The following DENND2D variants were observed in gnomAD, a reference collection of about 807,000 sequenced individuals.
The protein encoded by DENND2D is DENN domain-containing protein 2D.
A neutral mutation model predicts 59.8 loss-of-function variants in DENND2D; 37 were observed. The observed-to-expected ratio is 0.62, with a 90% CI of 0.48 to 0.81. The LOEUF (loss-of-function observed/expected upper bound fraction) is 0.81. Ranked by LOEUF, DENND2D falls within the 40% of genes least tolerant of loss-of-function variation. The pLI, the probability that DENND2D is intolerant of heterozygous loss-of-function variation, is 0.00. For missense variants in DENND2D, 525 were observed against 579.7 expected (o/e 0.91, Z 0.97); for synonymous variants, 219 against 211.3 (o/e 1.04, Z -0.31).
At position 111,200,635 on chromosome 1, in the gene DENND2D, C is replaced by A; in HGVS notation, c.-176G>T. On this transcript the variant is annotated 5_prime_UTR_variant, in exon 1 of 12. Transcript: ENST00000357640. ...CCATCCTGTGCACCCAGTGGTTGAG[C>A]AAGAAGGATGTGACGGGACCCAGGA... is the stretch of plus-strand genomic sequence containing the variant. 7.1e-7 allele frequency: 1 copy of A among 1,404,112 alleles called. No individual in the cohort carries two copies. Among genetic ancestry groups the A allele is most frequent in the South Asian group, 1.4e-5 (1 of 73,802 alleles). The allele number at this position is 1,404,112 out of a possible 1,614,324, so 87.0% of individuals were successfully genotyped here.
chr1:111,203,760 C>T (rs943257484), upstream of DENND2D, among the ~76,000 whole-genome samples: 4 of 152,158 alleles, frequency 2.6e-5, no homozygotes, highest in Non-Finnish European at 4.4e-5. Context: ...CTCTGAAGGG[C>T]ACCTGGCCGA....
chr1:111,198,859 T>G, intron 2 of DENND2D, 117 bp from the exon 3 acceptor site: 2 of 977,114 alleles, frequency 2.0e-6, no homozygotes, highest in Non-Finnish European at 3.1e-6. Flanking sequence ...GTTAAGCTTC[T>G]CCACTAGCAT....
upstream of DENND2D, among the ~76,000 whole-genome samples, chr1:111,203,797 G>A (rs909259144): frequency 3.9e-5 from 6 of 152,182 alleles, no homozygotes; most frequent in African/African-American, 1.4e-4. Context: ...TAACGTCATC[G>A]GGGAGACCTG....
chr1:111,204,112 C>T (rs1659079800), upstream of DENND2D: 5 of 502,226 alleles, frequency 1.0e-5, no homozygotes, highest in Non-Finnish European at 1.3e-5. Context: ...CCACCTGACC[C>T]TCTTCCCCTC....
At chr1:111,192,351 G>A (rs1371968831) in intron 7 of DENND2D, 34 bp from the exon 8 acceptor site, 3 of 1,525,972 alleles carry the variant, frequency 2.0e-6, no homozygotes, top group Non-Finnish European at 8.9e-7. Flanking sequence ...GAGTCAGGGG[G>A]CCCCTGCACC....
upstream of DENND2D, among the ~76,000 whole-genome samples, chr1:111,203,559 T>C (rs1403595622): frequency 6.6e-6 from 1 of 152,260 alleles, no homozygotes; most frequent in Non-Finnish European, 1.5e-5. Context: ...AGGGCTCTGC[T>C]AAGAAAGAAA....
chr1:111,200,481 C>A lies in DENND2D; in HGVS notation c.-22G>T. On this transcript the variant is annotated 5_prime_UTR_variant, in exon 1 of 12. Coordinates refer to ENST00000357640, the MANE Select transcript of DENND2D (RefSeq NM_024901.5). The stretch of plus-strand genomic sequence containing the variant: ...CCATCTCTGGGCCTTCAGGACAGAG[C>A]GGACTCCCCTCTCCCCTAACACAGA... The A allele has an allele frequency of 6.3e-7, 1 of 1,598,650 alleles. No individual in the cohort carries two copies. The highest frequency in any genetic ancestry group is 8.5e-7 in the Non-Finnish European group (1 of 1,172,296).
At chr1:111,200,296 A>C (rs1434619347) in intron 1 of DENND2D, 97 bp downstream of exon 1, 2 of 1,497,158 alleles carry the variant, frequency 1.3e-6, no homozygotes, top group African/African-American at 2.8e-5. Flanking sequence ...GGAGGCCGAG[A>C]TATAAAGGAA....
chr1:111,194,092 C>T (rs1292754087), intron 7 of DENND2D, among the ~76,000 whole-genome samples: 2 of 152,256 alleles, frequency 1.3e-5, no homozygotes, highest in African/African-American at 2.4e-5. Context: ...CCTAATTCTG[C>T]TGATTTCAAT....
chr1:111,193,673 G>T (rs1038580149), intron 7 of DENND2D, among the ~76,000 whole-genome samples: 11 of 152,220 alleles, frequency 7.2e-5, no homozygotes, highest in Middle Eastern at 3.4e-3. Flanking sequence ...TTCCCTAAAA[G>T]ATAAAAGCAG....
At position 111,200,410 on chromosome 1, in the gene DENND2D, A is replaced by C. The variant is rs200737365; in HGVS notation, c.50T>G (p.Leu17Arg). 6.2e-6 allele frequency: 10 copies of C among 1,612,474 alleles called. No individual in the cohort carries two copies. The African/African-American group carries it at 1.3e-4, about 22-fold the overall frequency. ...GTCCTGACCTGCTCGGAGTTGAAGC[A>C]GTCGGCGTTGGAAGAGCCTGAACAC... The part of the protein sequence containing the change: ...GRVFRLFQRR[L>R]LQLRAGPPQD... The change falls in exon 1 of 12, where the codon CTG becomes CGG. Residue 17 changes from leucine (L) to arginine (R), a missense_variant. By Grantham distance (102) the Leu-to-Arg change is moderately radical (BLOSUM62 -2). Transcript: ENST00000357640.
rs1229385289 is a variant in DENND2D, at chr1:111,188,347, C to T, written c.1123G>A (p.Val375Ile). 1.2e-6 allele frequency: 2 copies of T among 1,613,802 alleles called. No homozygotes were observed. The highest frequency in any genetic ancestry group is 1.7e-6 in the Non-Finnish European group (2 of 1,180,000). The change falls in exon 11 of 12, where the codon GTT becomes ATT. Residue 375 changes from valine (V) to isoleucine (I), a missense_variant. By Grantham distance (29) the Val-to-Ile change is conservative. Coordinates refer to ENST00000357640, the MANE Select transcript of DENND2D (RefSeq NM_024901.5). Reference protein sequence around the residue: ...LKTAEQINEHVSGPFVQFFVK... With the variant: ...LKTAEQINEHISGPFVQFFVK... ...AAGAACTGCACAAAGGGGCCTGAAA[C>T]ATGCTCGTTGATTTGTTCTGCAGCT...
upstream of DENND2D, chr1:111,204,176 C>G: frequency 8.8e-7 from 1 of 1,137,042 alleles, no homozygotes; most frequent in Non-Finnish European, 1.2e-6. Flanking sequence ...GAGTCCCCTT[C>G]CAACTGCTCC....
intron 9 of DENND2D, among the ~76,000 whole-genome samples, 161 bp from the exon 10 acceptor site, chr1:111,188,947 G>T (rs1011957675): frequency 1.5e-4 from 23 of 152,168 alleles, no homozygotes; most frequent in African/African-American, 5.6e-4. Context: ...CCTTTAGTTT[G>T]ACTCTAGACA....
upstream of DENND2D, chr1:111,200,746 C>T (rs1484683322): frequency 1.4e-5 from 17 of 1,225,894 alleles, no homozygotes; most frequent in African/African-American, 4.7e-5. Flanking sequence ...CAGGGTGTGG[C>T]GAGAGAAAAG....
In DENND2D at chr1:111,187,662, T is replaced by C. The variant is rs113212069; in HGVS notation, c.1359A>G (p.Ile453Met). Residue 453 changes from isoleucine (I) to methionine (M), a missense_variant, in exon 12 of 12, where the codon ATA (isoleucine) becomes ATG (methionine). By Grantham distance (10) the Ile-to-Met change is conservative. Around this residue, in one of 3 missense-constraint regions of DENND2D, gnomAD observed 225 missense variants for 252.4 expected, o/e 0.89. Coordinates refer to ENST00000357640, the MANE Select transcript of DENND2D (RefSeq NM_024901.5). ...NPPAGYFQQK[I>M]LEYEEQKKQK... ...GTTTCTTCTGTTCCTCATATTCAAG[T>C]ATTTTCTGTTGGAAATAGCCTGTGG... 1.2e-6 allele frequency: 2 copies of C among 1,613,826 alleles called. No homozygotes were observed. Among genetic ancestry groups the C allele is most frequent in the Non-Finnish European group, 1.7e-6 (2 of 1,179,778 alleles).
intron 8 of DENND2D, 127 bp downstream of exon 8, chr1:111,192,013 T>G: frequency 1.1e-6 from 1 of 907,176 alleles, no homozygotes; most frequent in Non-Finnish European, 1.6e-6. Context: ...ATTTTAGAGA[T>G]GAGAAAGCTC....
chr1:111,187,791 C>T, intron 11 of DENND2D, 110 bp from the exon 12 acceptor site: 1 of 910,504 alleles, frequency 1.1e-6, no homozygotes, highest in East Asian at 2.6e-5. Flanking sequence ...ACTGCCATCC[C>T]TGCCAGGATG....
rs930531555 is a variant in DENND2D, at chr1:111,197,747, G to A, written c.426+173C>T. On this transcript the variant is annotated intron_variant, in intron 4 of 11. Coordinates refer to ENST00000357640, the MANE Select transcript of DENND2D (RefSeq NM_024901.5). Reference sequence around the variant, plus strand: ...GCGGGAGAAGGGGCATCAGGTCCTCGTGCTTGTGGGGCTGCAGAGGGAGCA... The same window carrying A: ...GCGGGAGAAGGGGCATCAGGTCCTCATGCTTGTGGGGCTGCAGAGGGAGCA... 4.6e-5 allele frequency: 66 copies of A among 1,431,210 alleles called. No individual in the cohort carries two copies. The South Asian group carries it at 6.5e-4, about 14-fold the overall frequency. The allele number at this position is 1,431,210 out of a possible 1,614,324, so 88.7% of individuals were successfully genotyped here.
Sources: allele counts gnomAD v4.1 joint callset (sites outside exome capture counted in the v4.1 genomes callset), GRCh38; gene constraint gnomAD v4.1.1; regional missense constraint gnomAD v4.1.1; transcripts MANE v1.5; gene names NCBI Gene and HGNC (gene_info 2026-07-23, HGNC 2026-07-21).